The following DRC4 variants were observed in gnomAD, a reference collection of about 807,000 sequenced individuals.
DRC4 encodes the protein GAS-11.
At chr16:90,029,141 C>T in the DRC4 span, 46 of 1,335,584 alleles carry the variant, frequency 3.4e-5, no homozygotes, top group Admixed American at 2.0e-4. Context: ...ATGGAGCCTA[C>T]GGGGCAGCCT....
the DRC4 span, chr16:90,035,812 A>G: frequency 6.3e-7 from 1 of 1,595,912 alleles, no homozygotes; most frequent in South Asian, 1.1e-5. Flanking sequence ...AAGGCATGCA[A>G]GAGAAAGAAC....
chr16:90,042,104 T>C, the DRC4 span, among the ~76,000 whole-genome samples: 1 of 152,088 alleles, frequency 6.6e-6, no homozygotes, highest in Non-Finnish European at 1.5e-5. Context: ...CGTGCCCGGC[T>C]ACTTTTCGTA....
the DRC4 span, chr16:90,037,547 C>A: frequency 9.2e-7 from 1 of 1,086,176 alleles, no homozygotes; most frequent in Non-Finnish European, 1.3e-6. Context: ...TCGTGTTCTC[C>A]TGGGGAAAGT....
chr16:90,043,961 T>C, the DRC4 span: 628 of 416,086 alleles, frequency 1.5e-3, 3 homozygotes, highest in Admixed American at 5.1e-3. Context: ...GTGGAACTTC[T>C]GGGCCTTGCT....
the DRC4 span, chr16:90,040,617 C>T: frequency 9.7e-7 from 1 of 1,031,158 alleles, no homozygotes; most frequent in East Asian, 2.7e-5. Flanking sequence ...CTCGGTCGGC[C>T]ACTGAGGAGG....
chr16:90,025,447 G>A, the DRC4 span, among the ~76,000 whole-genome samples: 5 of 150,948 alleles, frequency 3.3e-5, no homozygotes, highest in African/African-American at 9.7e-5. Flanking sequence ...TCAGGAGTTC[G>A]AGTACAGCCT....
the DRC4 span, chr16:90,035,549 A>C: frequency 1.9e-6 from 3 of 1,591,444 alleles, no homozygotes; most frequent in South Asian, 2.2e-5. Context: ...GGTGACCAAA[A>C]CCATGAGGAA....
chr16:90,043,289 G>A, the DRC4 span: 2 of 1,613,444 alleles, frequency 1.2e-6, no homozygotes, highest in Non-Finnish European at 8.5e-7. Context: ...GGAAACAGCT[G>A]TGATCGGACA....
chr16:90,036,769 A>T, the DRC4 span: 1 of 709,808 alleles, frequency 1.4e-6, no homozygotes, highest in South Asian at 1.5e-5. Flanking sequence ...ACCTATCTCT[A>T]CCTATTGTTA....
chr16:90,027,775 C>A, the DRC4 span: 1 of 1,508,594 alleles, frequency 6.6e-7, no homozygotes, highest in Middle Eastern at 1.7e-4. Flanking sequence ...GCGGGCACCA[C>A]GCAGGGTGCC....
chr16:90,027,676 C>T, the DRC4 span: 1 of 1,614,232 alleles, frequency 6.2e-7, no homozygotes, highest in Non-Finnish European at 8.5e-7. Context: ...GCCAAAGGCA[C>T]CCCGATTGTC....
the DRC4 span, chr16:90,044,471 T>C: frequency 1.3e-5 from 6 of 470,294 alleles, no homozygotes. Flanking sequence ...GTCATGAGCC[T>C]CAGCCCCCTC....
chr16:90,042,288 C>T, the DRC4 span: 1 of 652,684 alleles, frequency 1.5e-6, no homozygotes, highest in Non-Finnish European at 2.8e-6. Flanking sequence ...TCTGCTTCTT[C>T]CTTGTTTTCT....
the DRC4 span, chr16:90,037,944 C>T: frequency 1.8e-6 from 2 of 1,102,930 alleles, no homozygotes; most frequent in East Asian, 2.4e-5. Flanking sequence ...GCTGGCCCTG[C>T]AGTGGGGATG....
the DRC4 span, chr16:90,031,107 TCTGCCAC>T: frequency 4.6e-6 from 6 of 1,313,276 alleles, no homozygotes; most frequent in Non-Finnish European, 6.1e-6. Flanking sequence ...TGAAGAGAAT[TCTGCCAC>T]CTGCTGAATG....
At chr16:90,022,603 G>C in the DRC4 span, 10 of 1,175,794 alleles carry the variant, frequency 8.5e-6, no homozygotes, top group Non-Finnish European at 1.1e-5. Flanking sequence ...GCCCGGCGGA[G>C]TCTCGCGAGG....
the DRC4 span, among the ~76,000 whole-genome samples, chr16:90,030,922 TC>T: frequency 6.6e-6 from 1 of 152,178 alleles, no homozygotes; most frequent in African/African-American, 2.4e-5. Flanking sequence ...CTCGCTTATT[TC>T]CCTGTTTAAA....
chr16:90,043,308 G>A, the DRC4 span: 21 of 1,612,252 alleles, frequency 1.3e-5, no homozygotes, highest in South Asian at 9.9e-5. Context: ...CAGACACTGG[G>A]CCAGGGCCCC....
At chr16:90,019,855 T>C in the DRC4 span, 1 of 681,078 alleles carries the variant, frequency 1.5e-6, no homozygotes, top group Non-Finnish European at 2.7e-6. The surrounding 1 kb of genome is among the most constrained non-coding windows in gnomAD (Gnocchi z 6.1). Flanking sequence ...CGCTGGGTAA[T>C]GACAGACTCA....
Sources: allele counts gnomAD v4.1 joint callset (sites outside exome capture counted in the v4.1 genomes callset), GRCh38; gene constraint gnomAD v4.1.1; non-coding constraint Gnocchi (gnomAD v3.1); transcripts MANE v1.5; gene names NCBI Gene and HGNC (gene_info 2026-07-23, HGNC 2026-07-21).